Variants in RBL1 observed in about 807,000 individuals in gnomAD.
RBL1 encodes RB transcriptional corepressor like 1.
In RBL1, 82 loss-of-function variants were observed where a neutral mutation model predicts 123.0. That is an observed-to-expected ratio of 0.67 (90% confidence interval 0.56 to 0.80). The LOEUF (loss-of-function observed/expected upper bound fraction) is 0.80. Ranked by LOEUF, RBL1 falls within the 30% of genes least tolerant of loss-of-function variation. The probability of loss-of-function intolerance (pLI) is 0.00; values close to 1 mark genes in which losing one functional copy is unlikely to be tolerated. For missense variants in RBL1, 1,171 were observed against 1,299.6 expected (o/e 0.90, Z 1.52); for synonymous variants, 405 against 441.3 (o/e 0.92, Z 1.03).
At chr20:37,074,963 T>C (rs1208314229) in intron 2 of RBL1, among the ~76,000 whole-genome samples, 1 of 152,082 alleles carries the variant, frequency 6.6e-6, no homozygotes, top group East Asian at 1.9e-4. Context: ...AGCCAAAAGG[T>C]AGAAATAACT....
At chr20:37,017,253 G>T (rs1344577219) in intron 19 of RBL1, among the ~76,000 whole-genome samples, 2 of 151,876 alleles carry the variant, frequency 1.3e-5, no homozygotes, top group Non-Finnish European at 2.9e-5. Flanking sequence ...CATGCCTGCA[G>T]TTCCAGCTAC....
In RBL1 at chr20:36,997,542, TA is replaced by T. The variant is rs2063901560; in HGVS notation, c.*1216del. On this transcript the variant is annotated 3_prime_UTR_variant, in exon 22 of 22. Transcript: ENST00000373664. Reference sequence around the variant, plus strand: ...CATGAGATGATATTTATGTGATTTTTAAAAGGTTTAAAATATTCTTAGGGAC... The same window carrying T: ...CATGAGATGATATTTATGTGATTTTTAAAGGTTTAAAATATTCTTAGGGAC... 1 of 152,156 alleles carries T rather than the reference TA, an allele frequency of 6.6e-6. No homozygotes were observed. The highest frequency in any genetic ancestry group is 1.5e-5 in the Non-Finnish European group (1 of 68,038). The allele number at this position is 152,156 out of a possible 1,614,324, so 9.4% of individuals were successfully genotyped here. A position where few individuals can be genotyped will look rare whatever the true frequency, so the allele number is the denominator to read the frequency against.
intron 1 of RBL1, among the ~76,000 whole-genome samples, chr20:37,091,665 C>CAA (rs11421608): frequency 0.026 from 2,790 of 105,828 alleles, 48 homozygotes; most frequent in Non-Finnish European, 0.033. Flanking sequence ...GACTCTATCT[C>CAA]AAAAAAAAAA....
intron 19 of RBL1, among the ~76,000 whole-genome samples, chr20:37,017,805 AT>A (rs560103409): frequency 1.8e-4 from 27 of 148,922 alleles, no homozygotes; most frequent in Admixed American, 4.0e-4. Flanking sequence ...TAATTTTTGT[AT>A]TTTTTTTTTA....
At chr20:37,080,777 T>C (rs1051254825) in intron 2 of RBL1, among the ~76,000 whole-genome samples, 2 of 152,080 alleles carry the variant, frequency 1.3e-5, no homozygotes, top group African/African-American at 4.8e-5. Context: ...ACTTTCAAAA[T>C]AAGGTTTAGT....
chr20:37,018,389 A>T lies in RBL1; in HGVS notation c.2632-20T>A. ...ATATACCTACATGCCAGAGGGGAAG[A>T]AAAGGACAGCTCAGTCACAGAGGTA... On this transcript the variant is annotated intron_variant, in intron 18 of 21. Coordinates refer to ENST00000373664, the MANE Select transcript of RBL1 (RefSeq NM_002895.5). 1 of 1,592,574 alleles carries T rather than the reference A, an allele frequency of 6.3e-7. No homozygotes were observed. Among genetic ancestry groups the T allele is most frequent in the Non-Finnish European group, 8.5e-7 (1 of 1,173,220 alleles).
At chr20:37,039,580 C>T (rs1398138275) in intron 14 of RBL1, among the ~76,000 whole-genome samples, 1 of 152,188 alleles carries the variant, frequency 6.6e-6, no homozygotes, top group Non-Finnish European at 1.5e-5. Context: ...TGCCTTTGCT[C>T]TTCCCTTTGC....
chr20:37,055,783 T>G (rs2064993793), intron 10 of RBL1, 127 bp from the exon 11 acceptor site: 2 of 951,436 alleles, frequency 2.1e-6, no homozygotes, highest in Non-Finnish European at 3.0e-6. Context: ...GAATGGTGGC[T>G]CACGCCTGTA....
At chr20:37,073,292 C>T (rs1440054185) in intron 2 of RBL1, among the ~76,000 whole-genome samples, 4 of 151,748 alleles carry the variant, frequency 2.6e-5, no homozygotes, top group Admixed American at 2.6e-4. Flanking sequence ...TGTTTGAAAA[C>T]AAAAAAACCT....
At chr20:37,064,564 T>A (rs750902177) in intron 7 of RBL1, among the ~76,000 whole-genome samples, 7 of 152,074 alleles carry the variant, frequency 4.6e-5, no homozygotes, top group Non-Finnish European at 7.4e-5. Context: ...GGCAACACAG[T>A]GAGATCCCAT....
chr20:37,039,485 T>C (rs2064685380), intron 14 of RBL1, among the ~76,000 whole-genome samples: 1 of 152,150 alleles, frequency 6.6e-6, no homozygotes, highest in Non-Finnish European at 1.5e-5. Context: ...GTTCTCCTGA[T>C]AGTGAATAAG....
At chr20:37,026,997 T>C (rs1205445466) in intron 16 of RBL1, among the ~76,000 whole-genome samples, 2 of 145,500 alleles carry the variant, frequency 1.4e-5, no homozygotes, top group Admixed American at 1.4e-4. Flanking sequence ...TGAGACTCCA[T>C]CTTAAAAAAA....
chr20:37,069,119 C>T (rs1454018139), intron 2 of RBL1, among the ~76,000 whole-genome samples: 9 of 152,268 alleles, frequency 5.9e-5, no homozygotes, highest in African/African-American at 9.6e-5. Flanking sequence ...GGATTGCAGA[C>T]GGAGTCTGGT....
At position 37,066,856 on chromosome 20, in the gene RBL1, G is replaced by A. The variant is rs578240475; in HGVS notation, c.714C>T (p.Asp238=). 1.8e-5 allele frequency: 29 copies of A among 1,613,838 alleles called. No homozygotes were observed. The highest frequency in any genetic ancestry group is 2.4e-5 in the Non-Finnish European group (28 of 1,179,924). The change falls in exon 6 of 22, where the codon GAC becomes GAT. Residue 238 remains aspartate, a synonymous_variant. Coordinates refer to ENST00000373664, the MANE Select transcript of RBL1 (RefSeq NM_002895.5). ...KGLPSDFHTA[D]FTASEEPPCI... Reference sequence around the variant, plus strand: ...AGGGTGGCTCTTCAGAAGCCGTAAAGTCAGCAGTATGAAAATCAGATGGTA... The same window carrying A: ...AGGGTGGCTCTTCAGAAGCCGTAAAATCAGCAGTATGAAAATCAGATGGTA...
intron 9 of RBL1, 46 bp downstream of exon 9, chr20:37,061,057 T>C: frequency 6.8e-7 from 1 of 1,471,850 alleles, no homozygotes; most frequent in Non-Finnish European, 9.1e-7. Flanking sequence ...GAACAAGAAA[T>C]CTAATTTTAA....
chr20:36,999,997 G>A lies in RBL1; in HGVS notation c.3037-1068C>T, dbSNP rs565526479. 1.3e-4 allele frequency among the ~76,000 whole-genome samples: 19 copies of A among 150,990 alleles called. No homozygotes were observed. The South Asian group carries it at 1.9e-3, about 15-fold the overall frequency. ...GCCTCTCTGCCTGGCTGCCCAGTCT[G>A]GAAAGTGAGGAGTGTCTCTGCCCGG... is the stretch of plus-strand genomic sequence containing the variant. On this transcript the variant is annotated intron_variant, in intron 21 of 21. Coordinates refer to ENST00000373664, the MANE Select transcript of RBL1 (RefSeq NM_002895.5).
chr20:37,035,129 T>G, intron 15 of RBL1, 113 bp downstream of exon 15: 1 of 1,023,044 alleles, frequency 9.8e-7, no homozygotes, highest in Non-Finnish European at 1.4e-6. Flanking sequence ...AAAAAAAAAG[T>G]ATAGGTTCAA....
intron 19 of RBL1, among the ~76,000 whole-genome samples, chr20:37,013,245 G>A: frequency 6.6e-6 from 1 of 152,194 alleles, no homozygotes; most frequent in East Asian, 1.9e-4. Flanking sequence ...TCTGTACTAA[G>A]AAAAATTATT....
chr20:37,088,057 G>T (rs1206552957), intron 2 of RBL1, among the ~76,000 whole-genome samples: 1 of 152,140 alleles, frequency 6.6e-6, no homozygotes, highest in Non-Finnish European at 1.5e-5. Context: ...CTGAGGTCGG[G>T]AGTTCGAGAC....
Sources: gnomAD v4.1 joint callset for allele counts (sites outside exome capture counted in the v4.1 genomes callset) on GRCh38, gnomAD v4.1.1 for gene constraint, MANE v1.5 for transcripts, NCBI Gene and HGNC (gene_info 2026-07-23, HGNC 2026-07-21) for gene names.